Variants in PITPNC1 observed in about 807,000 individuals in gnomAD.
The protein encoded by PITPNC1 is phosphatidylinositol transfer protein cytoplasmic 1.
In PITPNC1, 18 loss-of-function variants were observed where a neutral mutation model predicts 44.7. That is an observed-to-expected ratio of 0.40 (90% CI 0.28 to 0.60). PITPNC1 has a LOEUF of 0.60. Ranked by LOEUF, PITPNC1 falls within the 20% of genes least tolerant of loss-of-function variation. PITPNC1 has a pLI of 0.39. For missense variants in PITPNC1, 290 were observed against 418.4 expected (o/e 0.69, Z 2.68); for synonymous variants, 141 against 149.6 (o/e 0.94, Z 0.42).
At chr17:67,473,598 C>T (rs980450942) in intron 1 of PITPNC1, among the ~76,000 whole-genome samples, 11 of 152,220 alleles carry the variant, frequency 7.2e-5, no homozygotes, top group East Asian at 5.8e-4. Flanking sequence ...CCACCGCCCC[C>T]GGCCCTGGTG....
chr17:67,440,873 A>T (rs2039003003), intron 1 of PITPNC1, among the ~76,000 whole-genome samples: 1 of 151,970 alleles, frequency 6.6e-6, no homozygotes, highest in African/African-American at 2.4e-5. Flanking sequence ...GGGGTGGTTT[A>T]AAAATTACGC....
intron 1 of PITPNC1, among the ~76,000 whole-genome samples, chr17:67,516,432 T>G (rs975536144): frequency 6.6e-6 from 1 of 152,176 alleles, no homozygotes; most frequent in Non-Finnish European, 1.5e-5. Context: ...CCTCATTGTG[T>G]TGTTGTGAGG....
At chr17:67,425,236 CACACACACACACACACACACACACACAG>C (rs1300685225) in intron 1 of PITPNC1, among the ~76,000 whole-genome samples, 9 of 138,604 alleles carry the variant, frequency 6.5e-5, no homozygotes, top group South Asian at 2.6e-4. Context: ...CACACACACA[CACACACACACACACACACACACACACAG>C]AGGGAGAGAG....
chr17:67,685,818 G>GT lies in PITPNC1; in HGVS notation c.683-6746dup, dbSNP rs1317989645. Among the ~76,000 whole-genome samples, 31 of 151,878 alleles carry GT rather than the reference G, an allele frequency of 2.0e-4. No individual in the cohort carries two copies. The East Asian group carries it at 5.2e-3, about 26-fold the overall frequency. ...GAAGGTGGATGGGTTCCTTATTTAA[G>GT]TTTTTTTTGTTTGGTTGGTTGGTTT... On this transcript the variant is annotated intron_variant, in intron 8 of 8. Coordinates refer to ENST00000581322, the MANE Select transcript of PITPNC1 (RefSeq NM_012417.4).
chr17:67,687,020 G>A, intron 8 of PITPNC1: 1 of 1,074,114 alleles, frequency 9.3e-7, no homozygotes, highest in Non-Finnish European at 1.5e-6. Flanking sequence ...CCCATTGAAA[G>A]TTTGCATCTA....
At chr17:67,582,357 T>TG (rs1438591004) in intron 5 of PITPNC1, among the ~76,000 whole-genome samples, 1 of 152,210 alleles carries the variant, frequency 6.6e-6, no homozygotes, top group Non-Finnish European at 1.5e-5. Context: ...TTGCACTTTC[T>TG]GGGTGTACAC....
chr17:67,562,658 C>T (rs931926954), intron 4 of PITPNC1, among the ~76,000 whole-genome samples: 2 of 150,000 alleles, frequency 1.3e-5, no homozygotes, highest in South Asian at 2.1e-4. Flanking sequence ...TAAAGTCATA[C>T]GTAACCCTCA....
intron 5 of PITPNC1, among the ~76,000 whole-genome samples, chr17:67,580,740 A>G (rs1432141783): frequency 6.6e-6 from 1 of 152,212 alleles, no homozygotes; most frequent in Non-Finnish European, 1.5e-5. Context: ...TATTCAAAAC[A>G]GCTCTCCATT....
At chr17:67,418,253 A>G (rs1223004344) in intron 1 of PITPNC1, among the ~76,000 whole-genome samples, 1 of 152,216 alleles carries the variant, frequency 6.6e-6, no homozygotes, top group African/African-American at 2.4e-5. Context: ...ATTGGAGACC[A>G]AATTTCTAAC....
intron 1 of PITPNC1, among the ~76,000 whole-genome samples, chr17:67,442,204 CATATAT>C (rs10526037): frequency 0.04 from 2,146 of 54,012 alleles, 48 homozygotes; most frequent in Non-Finnish European, 0.051. Flanking sequence ...GGAAAATAAG[CATATAT>C]ATATATATAT....
rs773797594 is a variant in PITPNC1, at chr17:67,522,659, C to CTT, written c.49-10130_49-10129dup. On this transcript the variant is annotated intron_variant, in intron 1 of 8. Transcript: ENST00000581322. ...ATATCATAAAATTTACCATTTTAAT[C>CTT]TTTTTTTTTTTTTTGGAAAATGAGG... 1.4e-4 allele frequency among the ~76,000 whole-genome samples: 16 copies of CTT among 117,206 alleles called. 2 individuals are homozygous for CTT. Among genetic ancestry groups the CTT allele is most frequent in the African/African-American group, 4.8e-4 (11 of 22,816 alleles). 76.9% of individuals were successfully genotyped at this position (117,206 alleles called of 152,430 possible).
At chr17:67,467,137 T>G (rs1000928455) in intron 1 of PITPNC1, among the ~76,000 whole-genome samples, 1 of 145,088 alleles carries the variant, frequency 6.9e-6, no homozygotes, top group African/African-American at 2.5e-5. Context: ...CGGCTCACTC[T>G]CAGGTTCAAG....
chr17:67,632,897 G>A (rs2041989286), intron 6 of PITPNC1, among the ~76,000 whole-genome samples: 1 of 152,110 alleles, frequency 6.6e-6, no homozygotes, highest in South Asian at 2.1e-4. Flanking sequence ...TGAAAACTTT[G>A]ATAGCTCATT....
At chr17:67,378,237 C>A in intron 1 of PITPNC1, 35 bp downstream of exon 1, 2 of 1,398,448 alleles carry the variant, frequency 1.4e-6, no homozygotes, top group Non-Finnish European at 1.9e-6. Context: ...TCGCCCGCTC[C>A]GGGACCCCCG....
In PITPNC1 at chr17:67,412,348, G is replaced by T. The variant is rs376730943; in HGVS notation, c.48+34146G>T. On this transcript the variant is annotated intron_variant, in intron 1 of 8. Coordinates refer to ENST00000581322, the MANE Select transcript of PITPNC1 (RefSeq NM_012417.4). The stretch of plus-strand genomic sequence containing the variant: ...TTCCAAGTAGATACTGACAAAACTA[G>T]GTGCTGATGGCACAAGCTCCAGGAG... Among the ~76,000 whole-genome samples the T allele has an allele frequency of 6.0e-4, 92 of 152,128 alleles. 2 individuals are homozygous for T. The South Asian group carries it at 0.019, about 32-fold the overall frequency.
At chr17:67,425,197 G>GCGCACGCACACACA (rs748898605) in intron 1 of PITPNC1, among the ~76,000 whole-genome samples, 2 of 98,428 alleles carry the variant, frequency 2.0e-5, no homozygotes. Context: ...GCGCGCGCAC[G>GCGCACGCACACACA]CACACGCACA....
intron 6 of PITPNC1, among the ~76,000 whole-genome samples, chr17:67,660,500 A>ATATTTTATTT (rs573834067): frequency 4.0e-5 from 6 of 149,222 alleles, no homozygotes; most frequent in African/African-American, 1.3e-4. Flanking sequence ...TGTATCATAT[A>ATATTTTATTT]TATTTTATTT....
At chr17:67,465,252 G>A (rs959337543) in intron 1 of PITPNC1, among the ~76,000 whole-genome samples, 1 of 152,212 alleles carries the variant, frequency 6.6e-6, no homozygotes, top group Non-Finnish European at 1.5e-5. Context: ...GGTAATTGTG[G>A]GAAGCCCCAG....
chr17:67,584,541 TAA>T (rs944473535), intron 5 of PITPNC1, among the ~76,000 whole-genome samples: 1 of 149,432 alleles, frequency 6.7e-6, no homozygotes, highest in South Asian at 2.1e-4. Flanking sequence ...TTTCTTTATT[TAA>T]AAAAAAAATA....
Sources: gnomAD v4.1 joint callset for allele counts (sites outside exome capture counted in the v4.1 genomes callset) on GRCh38, gnomAD v4.1.1 for gene constraint, MANE v1.5 for transcripts, NCBI Gene and HGNC (gene_info 2026-07-23, HGNC 2026-07-21) for gene names.